PHIP: variants seen among roughly 807,000 people sequenced by gnomAD.
The protein encoded by PHIP is PHIP subunit of CUL4-Ring ligase complex, also known as PH-interacting protein.
Under a neutral mutation model 236.8 loss-of-function variants are expected in PHIP, and 54 were observed. The observed-to-expected ratio is 0.23, with a 90% CI of 0.18 to 0.29. PHIP has a LOEUF of 0.29. Among genes scored for constraint, PHIP ranks in the 10% least tolerant of loss-of-function variants. PHIP has a pLI of 1.00. For missense variants in PHIP, 1,370 were observed against 2,190.8 expected, an observed-to-expected ratio of 0.63 and a Z score of 7.48; for synonymous variants, 756 against 718.9, an observed-to-expected ratio of 1.05 and a Z score of -0.83.
At chr6:79,005,500 T>A (rs1770239667) in intron 15 of PHIP, among the ~76,000 whole-genome samples, 1 of 151,978 alleles carries the variant, frequency 6.6e-6, no homozygotes, top group Non-Finnish European at 1.5e-5. Flanking sequence ...AGTACACCTC[T>A]AAATAGACTT....
chr6:79,053,053 C>A (rs563371871), intron 6 of PHIP, among the ~76,000 whole-genome samples: 2 of 152,268 alleles, frequency 1.3e-5, no homozygotes, highest in African/African-American at 4.8e-5. Flanking sequence ...TGTGGTGGCT[C>A]ACACCTGTAA....
At position 78,936,193 on chromosome 6, in the gene PHIP, C is replaced by T. The variant is rs916458831; in HGVS notation, c.*4500G>A. On this transcript the variant is annotated 3_prime_UTR_variant, in exon 40 of 40. Coordinates refer to ENST00000275034, the MANE Select transcript of PHIP (RefSeq NM_017934.7). ...TTACTTATTACATACAACAGATCTG[C>T]TTGTGTTTAAACATTGTTTTCTGTA... 8 of 151,530 alleles carry T rather than the reference C, an allele frequency of 5.3e-5. No individual in the cohort carries two copies. Among genetic ancestry groups the T allele is most frequent in the Non-Finnish European group, 1.0e-4 (7 of 67,596 alleles). 9.4% of individuals were successfully genotyped at this position (151,530 alleles called of 1,614,324 possible). A position where few individuals can be genotyped will look rare whatever the true frequency, so the allele number is the denominator to read the frequency against.
intron 37 of PHIP, 174 bp downstream of exon 37, chr6:78,946,537 C>T: frequency 7.2e-7 from 1 of 1,383,920 alleles, no homozygotes; most frequent in Non-Finnish European, 9.3e-7. Context: ...TAAGCACTTA[C>T]ACTAGTATAG....
intron 38 of PHIP, 199 bp downstream of exon 38, chr6:78,945,802 G>A: frequency 1.7e-6 from 1 of 595,610 alleles, no homozygotes; most frequent in Admixed American, 2.6e-5. Context: ...CCATTTTTAA[G>A]CATTAGTCTA....
chr6:78,962,415 A>G (rs1363886528), intron 30 of PHIP, among the ~76,000 whole-genome samples: 1 of 152,182 alleles, frequency 6.6e-6, no homozygotes, highest in Non-Finnish European at 1.5e-5. Context: ...TATTTAAGGT[A>G]GTATTTATAA....
At chr6:79,021,454 G>C (rs901805275) in intron 9 of PHIP, among the ~76,000 whole-genome samples, 1 of 152,184 alleles carries the variant, frequency 6.6e-6, no homozygotes, top group Admixed American at 6.5e-5. Flanking sequence ...CGCCACAATA[G>C]TGAAGATTTG....
chr6:79,028,148 G>T (rs539303270), intron 7 of PHIP, among the ~76,000 whole-genome samples: 2 of 152,170 alleles, frequency 1.3e-5, no homozygotes, highest in Non-Finnish European at 2.9e-5. Flanking sequence ...AGCCTGCAAG[G>T]TAATTTAGAG....
chr6:79,013,832 A>G (rs1770708670), intron 15 of PHIP, among the ~76,000 whole-genome samples: 1 of 151,724 alleles, frequency 6.6e-6, no homozygotes, highest in African/African-American at 2.4e-5. Flanking sequence ...TAGCTCACAT[A>G]TTATTTTTTT....
intron 4 of PHIP, among the ~76,000 whole-genome samples, chr6:79,073,907 T>G (rs954103002): frequency 6.6e-6 from 1 of 152,130 alleles, no homozygotes; most frequent in African/African-American, 2.4e-5. Context: ...AAAACTAAGC[T>G]CTAAGAATGA....
At chr6:78,970,697 T>C (rs1205785824) in intron 25 of PHIP, 84 bp downstream of exon 25, 2 of 827,084 alleles carry the variant, frequency 2.4e-6, no homozygotes, top group Non-Finnish European at 3.9e-6. Flanking sequence ...TTTCTTATTG[T>C]GTTAATAGTA....
chr6:79,030,160 A>C (rs1034046057), intron 7 of PHIP, among the ~76,000 whole-genome samples: 1 of 152,206 alleles, frequency 6.6e-6, no homozygotes, highest in African/African-American at 2.4e-5. Flanking sequence ...ACAAAACAAA[A>C]TCTGAGGATT....
intron 35 of PHIP, among the ~76,000 whole-genome samples, chr6:78,950,740 G>A (rs1774096265): frequency 6.6e-6 from 1 of 152,038 alleles, no homozygotes; most frequent in South Asian, 2.1e-4. Flanking sequence ...TTTATAAGCT[G>A]TGTAAATCTT....
chr6:79,006,445 A>G (rs183658523), intron 15 of PHIP, among the ~76,000 whole-genome samples: 1 of 152,200 alleles, frequency 6.6e-6, no homozygotes, highest in Admixed American at 6.5e-5. Context: ...ATCTTTTTAA[A>G]CAAGGGTCAA....
intron 6 of PHIP, among the ~76,000 whole-genome samples, chr6:79,047,881 T>G (rs911679989): frequency 4.6e-5 from 7 of 152,088 alleles, no homozygotes; most frequent in African/African-American, 1.7e-4. Flanking sequence ...CATTATGAGG[T>G]CTCTAAAGAT....
chr6:78,989,949 C>T (rs1769112494), intron 20 of PHIP, among the ~76,000 whole-genome samples: 1 of 151,974 alleles, frequency 6.6e-6, no homozygotes, highest in South Asian at 2.1e-4. Flanking sequence ...ATTGTGAGGT[C>T]CTACTGATCC....
chr6:78,977,971 C>T (rs1030890581), intron 24 of PHIP, among the ~76,000 whole-genome samples: 4 of 152,080 alleles, frequency 2.6e-5, no homozygotes, highest in Non-Finnish European at 5.9e-5. Flanking sequence ...ATCTGTTGGA[C>T]ACCAGATAAC....
chr6:78,985,517 T>C (rs973195784), intron 21 of PHIP, 89 bp from the exon 22 acceptor site: 38 of 786,114 alleles, frequency 4.8e-5, no homozygotes, highest in Non-Finnish European at 7.3e-5. Flanking sequence ...TCTTATAATA[T>C]CAGTCATATT....
At chr6:78,974,286 T>G in intron 24 of PHIP, among the ~76,000 whole-genome samples, 1 of 151,912 alleles carries the variant, frequency 6.6e-6, no homozygotes. Context: ...ACTGGGTACA[T>G]AATGAAATGA....
intron 15 of PHIP, among the ~76,000 whole-genome samples, chr6:79,012,478 A>G (rs1770633842): frequency 6.6e-6 from 1 of 151,718 alleles, no homozygotes; most frequent in Non-Finnish European, 1.5e-5. Context: ...TTCCACCAGA[A>G]TTCTTCATCC....
Sources: allele counts gnomAD v4.1 joint callset (sites outside exome capture counted in the v4.1 genomes callset), GRCh38; gene constraint gnomAD v4.1.1; transcripts MANE v1.5; gene names NCBI Gene and HGNC (gene_info 2026-07-23, HGNC 2026-07-21).